Variants in VSNL1 observed in about 807,000 individuals in gnomAD.
The protein encoded by VSNL1 is visinin like 1.
A neutral mutation model predicts 20.4 loss-of-function variants in VSNL1; 6 were observed. That is an observed-to-expected ratio of 0.29 (90% CI 0.16 to 0.58). The LOEUF (loss-of-function observed/expected upper bound fraction) is 0.58. Among genes scored for constraint, VSNL1 ranks in the 20% least tolerant of loss-of-function variants. The pLI is 0.90. For synonymous variants in VSNL1, 93 were observed against 86.4 expected (o/e 1.08, Z -0.42); for missense variants, 100 against 234.5 (o/e 0.43, Z 3.75).
chr2:17,573,164 G>A (rs1002884249), intron 1 of VSNL1, among the ~76,000 whole-genome samples: 9 of 152,172 alleles, frequency 5.9e-5, no homozygotes, highest in Non-Finnish European at 1.5e-5. Flanking sequence ...GCTGACAGAG[G>A]CCTGATAAAC....
intron 2 of VSNL1, among the ~76,000 whole-genome samples, chr2:17,602,179 G>A (rs1182702430): frequency 6.6e-6 from 1 of 152,192 alleles, no homozygotes; most frequent in African/African-American, 2.4e-5. Context: ...GGCCCATGGA[G>A]CACCTGCGGG....
intron 2 of VSNL1, among the ~76,000 whole-genome samples, chr2:17,625,528 A>G (rs1429170558): frequency 6.6e-6 from 1 of 152,164 alleles, no homozygotes; most frequent in Non-Finnish European, 1.5e-5. Context: ...ACTCTCTGTT[A>G]TTGGTTATCA....
At chr2:17,616,153 C>A (rs1223516970) in intron 2 of VSNL1, among the ~76,000 whole-genome samples, 3 of 152,254 alleles carry the variant, frequency 2.0e-5, no homozygotes, top group Non-Finnish European at 4.4e-5. Context: ...ATGGGTGGCT[C>A]ACAGTCCCCA....
chr2:17,577,459 A>T (rs909105038), intron 1 of VSNL1, among the ~76,000 whole-genome samples: 1 of 152,130 alleles, frequency 6.6e-6, no homozygotes, highest in African/African-American at 2.4e-5. Flanking sequence ...CCTTGATCAT[A>T]TATTAAGTGA....
Position 17,655,167 on chromosome 2 carries a change from A to T in VSNL1, c.379-30A>T. ...CTCTCTGTCCTCCTGGGTTTCTGGT[A>T]ATATCACCTACAATGCTTTTTTCCC... On this transcript the variant is annotated intron_variant, in intron 3 of 3. Transcript: ENST00000295156. This position sits in a 1 kb window ranked among gnomAD's most constrained non-coding sequence, Gnocchi z 5.2. 6.2e-7 allele frequency: 1 copy of T among 1,608,866 alleles called. No homozygotes were observed. Among genetic ancestry groups the T allele is most frequent in the Non-Finnish European group, 8.5e-7 (1 of 1,177,124 alleles).
intron 1 of VSNL1, among the ~76,000 whole-genome samples, chr2:17,542,945 C>T (rs1663322417): frequency 6.6e-6 from 1 of 152,318 alleles, no homozygotes; most frequent in East Asian, 1.9e-4. Flanking sequence ...AACTTCTAGT[C>T]TATGGAATAA....
intron 1 of VSNL1, among the ~76,000 whole-genome samples, chr2:17,543,349 A>C (rs965313469): frequency 1.3e-5 from 2 of 152,208 alleles, no homozygotes; most frequent in African/African-American, 4.8e-5. Flanking sequence ...TGTGTTCCCC[A>C]AAATCCTTCA....
chr2:17,654,639 T>C (rs1004161963), intron 3 of VSNL1, among the ~76,000 whole-genome samples: 5 of 152,226 alleles, frequency 3.3e-5, no homozygotes, highest in African/African-American at 1.2e-4. Context: ...AATTCTTCTA[T>C]ATCCAGTTGG....
intron 1 of VSNL1, among the ~76,000 whole-genome samples, chr2:17,571,446 C>T (rs1031464602): frequency 1.3e-5 from 2 of 152,072 alleles, no homozygotes; most frequent in African/African-American, 4.8e-5. Flanking sequence ...TTAAAGTTGA[C>T]GTTTCTTTCA....
chr2:17,608,328 G>T (rs2103390815), intron 2 of VSNL1, among the ~76,000 whole-genome samples: 1 of 152,328 alleles, frequency 6.6e-6, no homozygotes, highest in South Asian at 2.1e-4. Flanking sequence ...AATGTGACAT[G>T]TCTACCAGGA....
chr2:17,616,347 T>C (rs1665216537), intron 2 of VSNL1, among the ~76,000 whole-genome samples: 2 of 152,264 alleles, frequency 1.3e-5, no homozygotes. Context: ...CAGCCAGCTC[T>C]GTGGCTCCTG....
chr2:17,549,376 C>A (rs1243241493), intron 1 of VSNL1, among the ~76,000 whole-genome samples: 3 of 152,080 alleles, frequency 2.0e-5, no homozygotes, highest in Non-Finnish European at 4.4e-5. Context: ...GCACATACAT[C>A]CAGATAGATA....
chr2:17,543,369 G>T (rs951150686), intron 1 of VSNL1, among the ~76,000 whole-genome samples: 2 of 152,210 alleles, frequency 1.3e-5, no homozygotes, highest in Non-Finnish European at 2.9e-5. Flanking sequence ...AGGGAATCCA[G>T]CCTTCAAAGA....
chr2:17,632,455 C>G (rs1408378918), intron 2 of VSNL1, among the ~76,000 whole-genome samples: 1 of 152,118 alleles, frequency 6.6e-6, no homozygotes, highest in Non-Finnish European at 1.5e-5. Flanking sequence ...CATGCATCAC[C>G]ACACCCAGCT....
chr2:17,641,131 T>TGTGAAATGAGTTGGGTGCAGG (rs1239139991), intron 2 of VSNL1, among the ~76,000 whole-genome samples: 3 of 152,180 alleles, frequency 2.0e-5, no homozygotes, highest in African/African-American at 7.2e-5. Flanking sequence ...ACCATGACGC[T>TGTGAAATGAGTTGGGTGCAGG]GTGAAATGAG....
intron 2 of VSNL1, among the ~76,000 whole-genome samples, chr2:17,633,992 C>G (rs1189307962): frequency 6.6e-6 from 1 of 152,120 alleles, no homozygotes; most frequent in African/African-American, 2.4e-5. Flanking sequence ...TCGGCACCAG[C>G]TTGGAGTGTC....
chr2:17,635,541 T>C (rs1665730817), intron 2 of VSNL1, among the ~76,000 whole-genome samples: 1 of 152,146 alleles, frequency 6.6e-6, no homozygotes, highest in African/African-American at 2.4e-5. Flanking sequence ...AGGCAAAGAA[T>C]ATTAGCACCA....
intron 1 of VSNL1, among the ~76,000 whole-genome samples, chr2:17,579,623 G>A (rs1306534607): frequency 6.6e-6 from 1 of 152,192 alleles, no homozygotes; most frequent in African/African-American, 2.4e-5. Flanking sequence ...AGAGGACACA[G>A]ACTTTTGCAA....
intron 1 of VSNL1, among the ~76,000 whole-genome samples, chr2:17,558,551 A>T (rs1663740358): frequency 1.3e-5 from 2 of 152,184 alleles, no homozygotes. Context: ...CATTATAAAG[A>T]TAATTGAGAC....
Sources: gnomAD v4.1 joint callset for allele counts (sites outside exome capture counted in the v4.1 genomes callset) on GRCh38, gnomAD v4.1.1 for gene constraint, Gnocchi (gnomAD v3.1) non-coding constraint, MANE v1.5 for transcripts, NCBI Gene and HGNC (gene_info 2026-07-23, HGNC 2026-07-21) for gene names.